Variants in RBM4 observed in about 807,000 individuals in gnomAD.
The protein encoded by RBM4 is RNA-binding protein 4.
Under a neutral mutation model 29.5 loss-of-function variants are expected in RBM4, and 7 were observed. That is an observed-to-expected ratio of 0.24 (90% confidence interval 0.14 to 0.45). The LOEUF is 0.45. Among genes scored for constraint, RBM4 ranks in the 20% least tolerant of loss-of-function variants. The pLI, the probability that RBM4 is intolerant of heterozygous loss-of-function variation, is 1.00. For missense variants in RBM4, 387 were observed against 502.3 expected (o/e 0.77, Z 2.19); for synonymous variants, 220 against 205.4 (o/e 1.07, Z -0.61).
chr11:66,658,337 CTTTTTTT>C (rs35133059), intron 2 of RBM4, among the ~76,000 whole-genome samples: 6 of 50,456 alleles, frequency 1.2e-4, no homozygotes, highest in East Asian at 6.9e-4. Context: ...CTAGTCTGAC[CTTTTTTT>C]TTTTTTTTTT....
chr11:66,639,397 A>G (rs1279188757), intron 1 of RBM4: 1 of 374,954 alleles, frequency 2.7e-6, no homozygotes, highest in Non-Finnish European at 4.8e-6. Context: ...AAAGCCTAGT[A>G]CCCCCATTTC....
chr11:66,640,536 C>T (rs764085214), intron 2 of RBM4: 3 of 349,456 alleles, frequency 8.6e-6, no homozygotes, highest in African/African-American at 2.1e-5. Context: ...AAAAACATGT[C>T]AAGCGACACT....
At chr11:66,640,465 C>G in intron 2 of RBM4, 1 of 463,694 alleles carries the variant, frequency 2.2e-6, no homozygotes, top group Non-Finnish European at 3.8e-6. Flanking sequence ...GAGTTCCTCA[C>G]TCTGAATTTA....
chr11:66,652,656 A>G (rs1199636338), intron 2 of RBM4, among the ~76,000 whole-genome samples: 1 of 152,196 alleles, frequency 6.6e-6, no homozygotes, highest in Non-Finnish European at 1.5e-5. Context: ...TGCAAATCTG[A>G]CAGGAATAGG....
Position 66,640,068 on chromosome 11 carries a change from G to A in RBM4, c.357G>A (p.Glu119=), listed in dbSNP as rs371878587. Residue 119 remains glutamate (E), a synonymous_variant, in exon 2 of 4, where the codon GAG becomes GAA. Coordinates refer to ENST00000310092, the MANE Select transcript of RBM4 (RefSeq NM_002896.4). ...IVKDYAFVHM[E]RAEDAVEAIR... ...AAGATTATGCCTTCGTACACATGGA[G>A]CGGGCAGAGGATGCAGTGGAGGCCA... 2 of 1,614,112 alleles carry A rather than the reference G, an allele frequency of 1.2e-6. No homozygotes were observed. Among genetic ancestry groups the A allele is most frequent in the African/African-American group, 2.7e-5 (2 of 74,914 alleles).
In RBM4 at chr11:66,643,069, T is replaced by A. The variant is rs1309049226; in HGVS notation, c.413-381T>A. On this transcript the variant is annotated intron_variant, in intron 2 of 3. Coordinates refer to ENST00000310092, the MANE Select transcript of RBM4 (RefSeq NM_002896.4). This position sits in a 1 kb window ranked among gnomAD's most constrained non-coding sequence, Gnocchi z 6.1. ...TATTCCTTTGCTTAATGAAAATCCA[T>A]CTTGCTAGTAAGGATTGGAGGTGTC... is the stretch of plus-strand genomic sequence containing the variant. Among the ~76,000 whole-genome samples, 3 of 152,200 alleles carry A rather than the reference T, an allele frequency of 2.0e-5. No homozygotes were observed. The highest frequency in any genetic ancestry group is 4.4e-5 in the Non-Finnish European group (3 of 68,028).
Position 66,643,489 on chromosome 11 carries a change from G to A in RBM4, c.452G>A (p.Arg151Lys). Residue 151 changes from arginine to lysine, a missense_variant, in exon 3 of 4, where the codon AGG (arginine) becomes AAG (lysine). Around this residue, in one of 2 missense-constraint regions of RBM4, gnomAD observed 106 missense variants for 213.6 expected, o/e 0.50. Transcript: ENST00000310092. The surrounding 1 kb of genome is among the most constrained non-coding windows in gnomAD (Gnocchi z 6.1). Reference sequence around the variant, plus strand: ...GTGCAGTTGTCCACCAGCCGGCTTAGGACTGCGCCCGGGATGGGAGACCAG... The same window carrying A: ...GTGCAGTTGTCCACCAGCCGGCTTAAGACTGCGCCCGGGATGGGAGACCAG... ...MHVQLSTSRL[R>K]TAPGMGDQSG... The A allele has an allele frequency of 6.2e-7, 1 of 1,613,868 alleles. No individual in the cohort carries two copies. Among genetic ancestry groups the A allele is most frequent in the Non-Finnish European group, 8.5e-7 (1 of 1,179,816 alleles).
At chr11:66,667,219 C>T (rs1195865374) in exon 3 of RBM4, 1 of 152,164 alleles carries the variant, frequency 6.6e-6, no homozygotes, top group Non-Finnish European at 1.5e-5. Context: ...GTCATAATGC[C>T]ATTTCCACTC....
At chr11:66,649,550 G>A (rs1938780974), downstream of RBM4, among the ~76,000 whole-genome samples, 1 of 152,156 alleles carries the variant, frequency 6.6e-6, no homozygotes, top group African/African-American at 2.4e-5. Context: ...TTTTTAAGAG[G>A]TGATTTGAAA....
chr11:66,640,234 A>G (rs965386212), intron 2 of RBM4, 111 bp downstream of exon 2: 2 of 1,423,020 alleles, frequency 1.4e-6, no homozygotes, highest in African/African-American at 1.4e-5. Flanking sequence ...CTGGCTGGTG[A>G]TGAAGAAATA....
exon 3 of RBM4, chr11:66,666,233 C>T: frequency 1.0e-6 from 1 of 969,522 alleles, no homozygotes; most frequent in Non-Finnish European, 1.3e-6. Flanking sequence ...ATGGGAACTC[C>T]AGACACCAAT....
At chr11:66,651,743 C>T (rs1027810693) in intron 2 of RBM4, among the ~76,000 whole-genome samples, 1 of 152,110 alleles carries the variant, frequency 6.6e-6, no homozygotes, top group East Asian at 1.9e-4. Context: ...CTCACAGTTT[C>T]GGAGGCTGGG....
chr11:66,663,702 A>ATGTGTGTG (rs66797662), intron 2 of RBM4, among the ~76,000 whole-genome samples: 14,329 of 148,414 alleles, frequency 0.097, 823 homozygotes, highest in Non-Finnish European at 0.14. Context: ...GTGTGTGTAT[A>ATGTGTGTG]TGTGTGTGTG....
chr11:66,643,744 C>T lies in RBM4; in HGVS notation c.707C>T (p.Ala236Val), dbSNP rs772780353. The change falls in exon 3 of 4, where the codon GCT becomes GTT. Residue 236 changes from alanine (A) to valine (V), a missense_variant. Transcript: ENST00000310092. This position sits in a 1 kb window ranked among gnomAD's most constrained non-coding sequence, Gnocchi z 6.1. ...GCCCGGTCCTATGAGGCAGTGGCAG[C>T]TGCAGCTGCCTCCGTGTATAATTAC... ...RAARSYEAVA[A>V]AAASVYNYAE... is the part of the protein sequence containing the mutation. The T allele has an allele frequency of 6.2e-7, 1 of 1,613,550 alleles. No individual in the cohort carries two copies. Among genetic ancestry groups the T allele is most frequent in the South Asian group, 1.1e-5 (1 of 91,086 alleles).
chr11:66,640,273 AGAAT>A (rs1565079640), intron 2 of RBM4, 150 bp downstream of exon 2: 1 of 1,057,808 alleles, frequency 9.5e-7, no homozygotes, highest in Non-Finnish European at 1.4e-6. Context: ...CTTATGATGT[AGAAT>A]GCATGGGACT....
chr11:66,646,557 C>T (rs367924758), downstream of RBM4: 24 of 986,168 alleles, frequency 2.4e-5, no homozygotes, highest in Non-Finnish European at 2.8e-5. Context: ...TTTTAAGACA[C>T]TCAGCTTTGG....
intron 3 of RBM4, among the ~76,000 whole-genome samples, chr11:66,645,361 G>C (rs920752309): frequency 6.6e-6 from 1 of 152,204 alleles, no homozygotes; most frequent in African/African-American, 2.4e-5. Context: ...TAGTAACTGT[G>C]TGAGTGATAG....
At chr11:66,665,424 A>G (rs1939189325) in intron 2 of RBM4, 3 of 672,552 alleles carry the variant, frequency 4.5e-6, no homozygotes, top group Non-Finnish European at 7.8e-6. Context: ...AAGAAAAGTC[A>G]ACTTAGAAGA....
intron 2 of RBM4, chr11:66,665,487 G>T: frequency 1.1e-6 from 1 of 931,078 alleles, no homozygotes; most frequent in Non-Finnish European, 1.7e-6. Context: ...ACTGAAACAT[G>T]AAGCAATGGA....
Sources: allele counts gnomAD v4.1 joint callset (sites outside exome capture counted in the v4.1 genomes callset), GRCh38; gene constraint gnomAD v4.1.1; regional missense constraint gnomAD v4.1.1; non-coding constraint Gnocchi (gnomAD v3.1); transcripts MANE v1.5; gene names NCBI Gene and HGNC (gene_info 2026-07-23, HGNC 2026-07-21).